TMEM40: variants seen among roughly 807,000 people sequenced by gnomAD.
TMEM40 encodes the protein transmembrane protein 40.
TMEM40 carries 34 observed loss-of-function variants against 40.8 expected under a neutral mutation model. The ratio of observed to expected loss-of-function variants is 0.83; its 90% confidence interval spans 0.63 to 1.11. The LOEUF (loss-of-function observed/expected upper bound fraction) is 1.11, where lower values mean the gene tolerates loss of function less well. TMEM40 is among the 50% of genes least tolerant of loss of function. The pLI is 0.00. For synonymous variants in TMEM40, 106 were observed against 107.0 expected (o/e 0.99, Z 0.06); for missense variants, 296 against 280.2 (o/e 1.06, Z -0.40).
chr3:12,768,712 C>G (rs938729749), intron 1 of TMEM40, among the ~76,000 whole-genome samples: 3 of 152,140 alleles, frequency 2.0e-5, no homozygotes, highest in African/African-American at 4.8e-5. Flanking sequence ...ACTAGACTCA[C>G]GAGCCCAGCT....
intron 1 of TMEM40, among the ~76,000 whole-genome samples, chr3:12,750,366 A>G (rs2061465377): frequency 6.6e-6 from 1 of 152,114 alleles, no homozygotes; most frequent in African/African-American, 2.4e-5. Flanking sequence ...ACTAAGCAAA[A>G]AGGCAAGGGA....
At chr3:12,743,127 A>C (rs965896654) in intron 4 of TMEM40, among the ~76,000 whole-genome samples, 1 of 152,166 alleles carries the variant, frequency 6.6e-6, no homozygotes, top group Non-Finnish European at 1.5e-5. Flanking sequence ...TTCTTATGAA[A>C]TTTGTTGTTT....
chr3:12,769,362 G>A, exon 1 of TMEM40: 1 of 245,468 alleles, frequency 4.1e-6, no homozygotes, highest in Non-Finnish European at 9.4e-6. Context: ...TGGGCGCCGA[G>A]GCTGAGGAGG....
chr3:12,749,807 T>C lies in TMEM40; in HGVS notation c.26A>G (p.Gln9Arg), dbSNP rs763196102. The C allele has an allele frequency of 3.7e-6, 6 of 1,614,074 alleles. No individual in the cohort carries two copies. The Admixed American group carries it at 5.0e-5, about 13-fold the overall frequency. METSASSS[Q>R]PQDNSQVHRE... ...GTGGACTTGACTGTTGTCCTGAGGC[T>C]GGGAGGAGGATGCTGAAGTCTCCAT... Residue 9 changes from glutamine (Q) to arginine (R), a missense_variant, in exon 2 of 12, where the codon CAG (glutamine) becomes CGG (arginine). Transcript: ENST00000314124.
At chr3:12,762,561 C>T (rs9880453), upstream of TMEM40, among the ~76,000 whole-genome samples, 58,157 of 151,958 alleles carry the variant, frequency 0.38, 12,119 homozygotes, top group Non-Finnish European at 0.48. Flanking sequence ...TAAGCACACA[C>T]GCTCATATCT....
chr3:12,756,851 T>C (rs1035614847), intron 1 of TMEM40, among the ~76,000 whole-genome samples: 7 of 150,946 alleles, frequency 4.6e-5, no homozygotes, highest in Non-Finnish European at 8.9e-5. Context: ...ACACCACACA[T>C]ATACACACTC....
intron 4 of TMEM40, among the ~76,000 whole-genome samples, chr3:12,743,092 C>T (rs1007514101): frequency 6.6e-6 from 1 of 152,172 alleles, no homozygotes; most frequent in African/African-American, 2.4e-5. Context: ...TACAATAATT[C>T]ACCCCTTTTC....
intron 3 of TMEM40, among the ~76,000 whole-genome samples, chr3:12,746,622 C>T (rs1457306993): frequency 2.0e-5 from 3 of 152,130 alleles, no homozygotes; most frequent in Non-Finnish European, 4.4e-5. Context: ...TCACTGTCCG[C>T]GCCTGAAAAA....
rs2061348069 is a variant in TMEM40 at position 12,737,727 on chromosome 3, CT to C, written c.451del (p.Arg151AspfsTer2). The C allele has an allele frequency of 1.2e-6, 2 of 1,613,988 alleles. No individual in the cohort carries two copies. Among genetic ancestry groups the C allele is most frequent in the Admixed American group, 3.3e-5 (2 of 59,988 alleles). On this transcript the variant is annotated frameshift_variant, in exon 8 of 12. Coordinates refer to ENST00000314124, the MANE Select transcript of TMEM40 (RefSeq NM_018306.4). LOFTEE classifies it high-confidence loss of function. Reference protein sequence around the residue: ...SGEVEASQLRRLNIKKDDEFF... With the variant: ...SGEVEASQLRXLNIKKDDEFF... ...CTTACCATCTTTCTTTATATTCAGT[CT>C]TCTTAACTGAGAGGCCTCCACTTCT... is the stretch of plus-strand genomic sequence containing the variant.
chr3:12,766,392 G>A (rs551004965), intron 1 of TMEM40, among the ~76,000 whole-genome samples: 9 of 152,088 alleles, frequency 5.9e-5, no homozygotes, highest in African/African-American at 1.7e-4. Flanking sequence ...TCAGGAGATC[G>A]AGACCATCCT....
At chr3:12,738,261 A>G in intron 6 of TMEM40, 93 bp from the exon 7 acceptor site, 1 of 1,422,786 alleles carries the variant, frequency 7.0e-7, no homozygotes, top group East Asian at 2.3e-5. Flanking sequence ...TGACCTAAAA[A>G]AATGTCCCCA....
At chr3:12,749,587 T>C (rs2061457111) in intron 2 of TMEM40, among the ~76,000 whole-genome samples, 173 bp downstream of exon 2, 1 of 152,156 alleles carries the variant, frequency 6.6e-6, no homozygotes, top group Non-Finnish European at 1.5e-5. Context: ...GGAGGACAGA[T>C]TGGACCATGC....
At chr3:12,735,171 C>T (rs2061328692) in intron 11 of TMEM40, among the ~76,000 whole-genome samples, 1 of 152,174 alleles carries the variant, frequency 6.6e-6, no homozygotes, top group Admixed American at 6.5e-5. Flanking sequence ...TGTAACATTG[C>T]TAAAGCCTAC....
intron 1 of TMEM40, among the ~76,000 whole-genome samples, chr3:12,756,678 A>T (rs190197956): frequency 6.6e-6 from 1 of 152,292 alleles, no homozygotes; most frequent in Admixed American, 6.5e-5. Flanking sequence ...GTGGGTGCCC[A>T]GCTAGACAGA....
rs1212455711 is a variant in TMEM40, at chr3:12,748,662, GGAGGAGGATGAAGAAGAT to G, written c.186_203del (p.Ser65_Ser70del). 1.2e-6 allele frequency: 2 copies of G among 1,612,102 alleles called. No homozygotes were observed. Among genetic ancestry groups the G allele is most frequent in the Non-Finnish European group, 1.7e-6 (2 of 1,178,888 alleles). On this transcript the variant is annotated inframe_deletion, in exon 3 of 12. Coordinates refer to ENST00000314124, the MANE Select transcript of TMEM40 (RefSeq NM_018306.4). ...TTTAAATCTCTGCTATACCTGAGGA[GGAGGAGGATGAAGAAGAT>G]GAGGAGGATGAGGAGGAAGAGGAGG...
intron 1 of TMEM40, among the ~76,000 whole-genome samples, chr3:12,753,227 T>C (rs1348184816): frequency 1.4e-5 from 2 of 138,378 alleles, no homozygotes; most frequent in East Asian, 2.0e-4. Context: ...TTTTTTTTTT[T>C]TTTTTTTTTG....
Position 12,736,659 on chromosome 3 carries a change from G to A in TMEM40, c.545-7C>T. On this transcript the variant is annotated splice_polypyrimidine_tract_variant and splice_region_variant and intron_variant, in intron 9 of 11. Transcript: ENST00000314124. The stretch of plus-strand genomic sequence containing the variant: ...CCAAGAGACATGAACCAGTCTGGAA[G>A]GGCAGTGAGGGAGGGAATGGTCAGC... 1.2e-6 allele frequency: 2 copies of A among 1,609,012 alleles called. No individual in the cohort carries two copies. The highest frequency in any genetic ancestry group is 1.7e-6 in the Non-Finnish European group (2 of 1,177,506).
At chr3:12,754,396 CA>C (rs1377031390) in intron 1 of TMEM40, among the ~76,000 whole-genome samples, 1 of 152,126 alleles carries the variant, frequency 6.6e-6, no homozygotes, top group African/African-American at 2.4e-5. Context: ...GCTGTTTATA[CA>C]GAAAGATCTA....
intron 10 of TMEM40, 136 bp downstream of exon 10, chr3:12,736,442 G>T (rs920627241): frequency 1.1e-5 from 12 of 1,070,468 alleles, no homozygotes; most frequent in African/African-American, 1.6e-5. Flanking sequence ...AAGCCACCGC[G>T]CCTGGCCAGA....
Sources: allele counts gnomAD v4.1 joint callset (sites outside exome capture counted in the v4.1 genomes callset), GRCh38; gene constraint gnomAD v4.1.1; transcripts MANE v1.5; gene names NCBI Gene and HGNC (gene_info 2026-07-23, HGNC 2026-07-21).